The following MYO9B variants were observed in gnomAD, a reference collection of about 807,000 sequenced individuals.
MYO9B encodes the protein myosin IXB.
In MYO9B, 71 loss-of-function variants were observed where a neutral mutation model predicts 229.5. That is an observed-to-expected ratio of 0.31 (90% confidence interval 0.26 to 0.38). The LOEUF (loss-of-function observed/expected upper bound fraction) is 0.38, where lower values mean the gene tolerates loss of function less well. MYO9B is among the 10% of genes least tolerant of loss of function. MYO9B has a pLI of 1.00. For missense variants in MYO9B, 2,255 were observed against 2,920.5 expected, an observed-to-expected ratio of 0.77 and a Z score of 5.25; for synonymous variants, 1,185 against 1,235.8, an observed-to-expected ratio of 0.96 and a Z score of 0.86.
chr19:17,090,478 T>C (rs2057627509), intron 1 of MYO9B, among the ~76,000 whole-genome samples: 1 of 152,202 alleles, frequency 6.6e-6, no homozygotes, highest in Non-Finnish European at 1.5e-5. Flanking sequence ...CCAAATAATA[T>C]TCTGTTGGAT....
intron 10 of MYO9B, among the ~76,000 whole-genome samples, chr19:17,165,540 A>G (rs114716107): frequency 0.026 from 3,968 of 151,948 alleles, 181 homozygotes; most frequent in African/African-American, 0.092. Flanking sequence ...ACAACACTGT[A>G]CCCCATCCTG....
At chr19:17,126,433 C>T (rs1362337940) in intron 2 of MYO9B, among the ~76,000 whole-genome samples, 3 of 152,178 alleles carry the variant, frequency 2.0e-5, no homozygotes, top group Non-Finnish European at 4.4e-5. Flanking sequence ...TCCAGAACAG[C>T]GGCCCCTGGC....
Position 17,192,900 on chromosome 19 carries a change from G to T in MYO9B, c.2966G>T (p.Cys989Phe). The change falls in exon 21 of 40, where the codon TGC (cysteine) becomes TTC (phenylalanine). Residue 989 changes from cysteine to phenylalanine, a missense_variant. By Grantham distance (205) the Cys-to-Phe change is radical. Transcript: ENST00000682292. ...CGGGCCGCCGTCACCATCCAGGCCT[G>T]CTGGCGGTCCTACCGGGTCCGGAGG... ...MKRAAVTIQA[C>F]WRSYRVRRAL... 6.5e-7 allele frequency: 1 copy of T among 1,550,288 alleles called. No individual in the cohort carries two copies. The highest frequency in any genetic ancestry group is 8.7e-7 in the Non-Finnish European group (1 of 1,147,062).
intron 1 of MYO9B, among the ~76,000 whole-genome samples, chr19:17,079,935 C>A (rs145562330): frequency 1.8e-4 from 28 of 152,330 alleles, no homozygotes; most frequent in African/African-American, 6.3e-4. Context: ...AGCCCACCGC[C>A]GCAGCCCAGA....
In MYO9B at chr19:17,202,136, A is replaced by G. The variant is rs769165790; in HGVS notation, c.4669A>G (p.Lys1557Glu). 34 of 1,613,470 alleles carry G rather than the reference A, an allele frequency of 2.1e-5. No individual in the cohort carries two copies. The Admixed American group carries it at 4.8e-4, about 23-fold the overall frequency. ...IKTMYSVPNG[K>E]IHVGYKDLME... The stretch of plus-strand genomic sequence containing the variant: ...ACGCCTAGCATTCCTACAGAACGGG[A>G]AGATCCACGTGGGCTACAAGGATCT... The change falls in exon 28 of 40, where the codon AAG (lysine) becomes GAG (glutamate). Residue 1557 changes from lysine to glutamate, a missense_variant. This residue lies in a region of MYO9B where 416 missense variants were observed against 605.5 expected (regional missense o/e 0.69). Transcript: ENST00000682292.
intron 19 of MYO9B, among the ~76,000 whole-genome samples, chr19:17,190,871 C>G (rs1048619676): frequency 1.3e-5 from 2 of 152,090 alleles, no homozygotes; most frequent in African/African-American, 4.8e-5. Flanking sequence ...TCTCGAACTC[C>G]TGACCTCAGG....
intron 19 of MYO9B, among the ~76,000 whole-genome samples, chr19:17,189,658 T>G (rs1439426322): frequency 6.6e-6 from 1 of 151,598 alleles, no homozygotes; most frequent in Non-Finnish European, 1.5e-5. Context: ...ACAATCTAAC[T>G]CCCCCACAAG....
At position 17,101,472 on chromosome 19, in the gene MYO9B, C is replaced by T. The variant is rs1322405795; in HGVS notation, c.-58-188C>T. The stretch of plus-strand genomic sequence containing the variant: ...ATGAGCCACTGCAGGAGCCTGAGGT[C>T]ACATTGAAGGACAGACAGACCCTCA... On this transcript the variant is annotated intron_variant, in intron 1 of 39. Coordinates refer to ENST00000682292, the MANE Select transcript of MYO9B (RefSeq NM_004145.4). This position sits in a 1 kb window ranked among gnomAD's most constrained non-coding sequence, Gnocchi z 4.7. Among the ~76,000 whole-genome samples the T allele has an allele frequency of 6.6e-6, 1 of 152,172 alleles. No homozygotes were observed. Among genetic ancestry groups the T allele is most frequent in the Non-Finnish European group, 1.5e-5 (1 of 68,020 alleles).
intron 1 of MYO9B, among the ~76,000 whole-genome samples, chr19:17,080,150 T>G (rs1287699592): frequency 6.6e-6 from 1 of 152,210 alleles, no homozygotes; most frequent in Non-Finnish European, 1.5e-5. Context: ...CTTGTCTGAC[T>G]CACTTGTTTA....
intron 13 of MYO9B, among the ~76,000 whole-genome samples, chr19:17,174,277 TG>T (rs969293821): frequency 7.9e-5 from 12 of 152,134 alleles, no homozygotes; most frequent in Middle Eastern, 3.4e-3. Context: ...ACGATCCGTC[TG>T]GCTCGGCCTC....
chr19:17,148,772 CAG>C (rs1243967873), intron 3 of MYO9B, among the ~76,000 whole-genome samples: 2 of 152,080 alleles, frequency 1.3e-5, no homozygotes, highest in African/African-American at 4.8e-5. Context: ...TTAGTAAAGA[CAG>C]GGCCTCACTG....
intron 3 of MYO9B, 80 bp from the exon 4 acceptor site, chr19:17,152,564 A>AG: frequency 7.3e-5 from 28 of 384,702 alleles, no homozygotes; most frequent in South Asian, 2.3e-4. Flanking sequence ...CTCCCATCTC[A>AG]AAAAAAAAAA....
At chr19:17,122,015 T>C (rs184551622) in intron 2 of MYO9B, among the ~76,000 whole-genome samples, 73 of 151,708 alleles carry the variant, frequency 4.8e-4, no homozygotes, top group Non-Finnish European at 8.1e-4. Context: ...TGGAAGTCTT[T>C]GCTGTTCAAG....
chr19:17,096,653 G>A (rs1420710562), intron 1 of MYO9B, among the ~76,000 whole-genome samples: 3 of 148,636 alleles, frequency 2.0e-5, no homozygotes, highest in South Asian at 2.1e-4. Flanking sequence ...GAGCTGCCTC[G>A]TTCAGATAGT....
intron 38 of MYO9B, 24 bp from the exon 39 acceptor site, chr19:17,211,623 A>G: frequency 6.4e-7 from 1 of 1,570,638 alleles, no homozygotes; most frequent in Non-Finnish European, 8.6e-7. Context: ...GTGGCCTTGG[A>G]CACCACTACC....
chr19:17,194,058 G>T (rs190320550), intron 21 of MYO9B, among the ~76,000 whole-genome samples: 2,038 of 152,188 alleles, frequency 0.013, 37 homozygotes, highest in African/African-American at 0.046. Context: ...TATAATCTCA[G>T]TTACTAGGGA....
At chr19:17,200,572 C>T (rs2073095734) in intron 25 of MYO9B, 67 bp from the exon 26 acceptor site, 1 of 1,526,394 alleles carries the variant, frequency 6.6e-7, no homozygotes, top group Non-Finnish European at 8.8e-7. Flanking sequence ...TAAAGGCGTG[C>T]CATAGGAGGT....
At chr19:17,096,661 A>AG (rs1475721079) in intron 1 of MYO9B, among the ~76,000 whole-genome samples, 20 of 113,982 alleles carry the variant, frequency 1.8e-4, no homozygotes, top group African/African-American at 3.4e-4. Context: ...TCGTTCAGAT[A>AG]GTTTGTTGTT....
intron 2 of MYO9B, among the ~76,000 whole-genome samples, chr19:17,111,792 T>C (rs1184653046): frequency 6.6e-6 from 1 of 152,056 alleles, no homozygotes; most frequent in East Asian, 1.9e-4. Flanking sequence ...CCCACTTCCC[T>C]CTCCCAGGCC....
Sources: allele counts gnomAD v4.1 joint callset (sites outside exome capture counted in the v4.1 genomes callset), GRCh38; gene constraint gnomAD v4.1.1; regional missense constraint gnomAD v4.1.1; non-coding constraint Gnocchi (gnomAD v3.1); transcripts MANE v1.5; gene names NCBI Gene and HGNC (gene_info 2026-07-23, HGNC 2026-07-21).